RANBP17: variants seen among roughly 807,000 people sequenced by gnomAD.
RANBP17 encodes the protein ran-binding protein 17.
RANBP17 carries 158 observed loss-of-function variants against 141.2 expected under a neutral mutation model. That is an observed-to-expected ratio of 1.12 (90% CI 0.98 to 1.28). The LOEUF is 1.28. Ranked by LOEUF, RANBP17 falls within the 50% of genes most tolerant of loss-of-function variation. The probability of loss-of-function intolerance (pLI) is 0.00; values close to 1 mark genes in which losing one functional copy is unlikely to be tolerated. For synonymous variants in RANBP17, 430 were observed against 450.0 expected (o/e 0.96, Z 0.56); for missense variants, 1,438 against 1,290.7 (o/e 1.11, Z -1.75).
chr5:171,097,454 T>G (rs1470203621), intron 14 of RANBP17, among the ~76,000 whole-genome samples: 1 of 151,964 alleles, frequency 6.6e-6, no homozygotes, highest in Non-Finnish European at 1.5e-5. Context: ...GTACGTTTAA[T>G]AAGTGTATAC....
intron 12 of RANBP17, 50 bp from the exon 13 acceptor site, chr5:170,953,547 A>G (rs1386926856): frequency 1.6e-6 from 2 of 1,224,804 alleles, no homozygotes; most frequent in African/African-American, 3.0e-5. Context: ...AAGATAAGCT[A>G]CGTTTCTATG....
In RANBP17 at chr5:170,953,594, T is replaced by C; in HGVS notation, c.1469-3T>C. On this transcript the variant is annotated splice_region_variant and splice_polypyrimidine_tract_variant and intron_variant, in intron 12 of 27. Transcript: ENST00000523189. ...AACTTTTTTCTTCCTTATTCTATAT[T>C]AGGACGTCTTGCATGGCTGGTATAC... 1 of 1,594,122 alleles carries C rather than the reference T, an allele frequency of 6.3e-7. No homozygotes were observed. Among genetic ancestry groups the C allele is most frequent in the East Asian group, 2.2e-5 (1 of 44,662 alleles).
intron 14 of RANBP17, among the ~76,000 whole-genome samples, chr5:171,162,351 T>C (rs1212109039): frequency 1.3e-5 from 2 of 152,194 alleles, no homozygotes; most frequent in African/African-American, 4.8e-5. Flanking sequence ...CTGCATATCC[T>C]GTGACCAGTA....
At chr5:170,974,044 A>C (rs974209675) in intron 14 of RANBP17, among the ~76,000 whole-genome samples, 1 of 152,184 alleles carries the variant, frequency 6.6e-6, no homozygotes, top group East Asian at 1.9e-4. Context: ...CACAAAGTGC[A>C]TGTCCTTCTC....
At chr5:171,012,438 T>A (rs1293399015) in intron 14 of RANBP17, among the ~76,000 whole-genome samples, 1 of 152,156 alleles carries the variant, frequency 6.6e-6, no homozygotes, top group East Asian at 1.9e-4. Flanking sequence ...AAGCCCTTGC[T>A]GAAAACGAAA....
intron 25 of RANBP17, among the ~76,000 whole-genome samples, chr5:171,279,419 A>T (rs1234983005): frequency 6.6e-6 from 1 of 152,150 alleles, no homozygotes; most frequent in Non-Finnish European, 1.5e-5. Context: ...TTGCTGTGTC[A>T]TCTAATGGAG....
intron 14 of RANBP17, among the ~76,000 whole-genome samples, chr5:171,062,942 T>C (rs1784004137): frequency 1.3e-5 from 2 of 152,122 alleles, no homozygotes; most frequent in Admixed American, 6.5e-5. Flanking sequence ...TTTCTTCCAG[T>C]TGATCGCATC....
chr5:171,120,528 C>G (rs565898687), intron 14 of RANBP17, among the ~76,000 whole-genome samples: 3 of 152,182 alleles, frequency 2.0e-5, no homozygotes, highest in Non-Finnish European at 2.9e-5. Context: ...TTTTTCATTT[C>G]ACTCATTGAC....
intron 14 of RANBP17, among the ~76,000 whole-genome samples, chr5:171,076,093 G>T (rs1784902293): frequency 6.6e-6 from 1 of 152,160 alleles, no homozygotes; most frequent in African/African-American, 2.4e-5. Flanking sequence ...CTGCAGCACT[G>T]CTTGTAATGA....
chr5:171,126,334 A>T (rs1756468402), intron 14 of RANBP17, among the ~76,000 whole-genome samples: 1 of 152,218 alleles, frequency 6.6e-6, no homozygotes, highest in Non-Finnish European at 1.5e-5. Flanking sequence ...TCTGAGAAGG[A>T]ATTTTATAGC....
intron 12 of RANBP17, among the ~76,000 whole-genome samples, chr5:170,926,808 A>G (rs529533175): frequency 2.6e-5 from 4 of 152,274 alleles, no homozygotes; most frequent in Non-Finnish European, 4.4e-5. Context: ...CAAAGTTTCT[A>G]TATGCATATA....
chr5:170,964,013 G>C (rs1776337483), intron 13 of RANBP17, among the ~76,000 whole-genome samples: 1 of 151,608 alleles, frequency 6.6e-6, no homozygotes. Flanking sequence ...CTAAATAAGA[G>C]GTGTACAAAT....
intron 14 of RANBP17, among the ~76,000 whole-genome samples, chr5:170,980,723 T>C (rs1338630909): frequency 6.6e-6 from 1 of 152,210 alleles, no homozygotes; most frequent in African/African-American, 2.4e-5. Flanking sequence ...AGAAGTTTGC[T>C]ACAGGAGCGG....
intron 24 of RANBP17, chr5:171,252,620 G>A (rs1765644747): frequency 4.4e-6 from 6 of 1,359,156 alleles, no homozygotes; most frequent in Middle Eastern, 1.8e-4. Context: ...CAACTTCATC[G>A]ATTTACAAAA....
At chr5:170,922,647 G>T (rs1396918058) in intron 11 of RANBP17, among the ~76,000 whole-genome samples, 1 of 152,156 alleles carries the variant, frequency 6.6e-6, no homozygotes, top group African/African-American at 2.4e-5. Flanking sequence ...GGTATCTCCT[G>T]GTCTGCAGGT....
chr5:171,203,150 C>G (rs1305707283), intron 19 of RANBP17, among the ~76,000 whole-genome samples: 2 of 152,218 alleles, frequency 1.3e-5, no homozygotes, highest in South Asian at 2.1e-4. Flanking sequence ...GCCTGTCACT[C>G]TTCAGACCAA....
At chr5:170,976,993 T>G (rs1777427021) in intron 14 of RANBP17, among the ~76,000 whole-genome samples, 1 of 152,090 alleles carries the variant, frequency 6.6e-6, no homozygotes, top group South Asian at 2.1e-4. Context: ...AAAGATACAT[T>G]GGACTTCATC....
chr5:170,969,150 CTGA>C (rs775764176), intron 14 of RANBP17, among the ~76,000 whole-genome samples: 4 of 151,422 alleles, frequency 2.6e-5, no homozygotes, highest in Non-Finnish European at 4.4e-5. Flanking sequence ...TTAGGATTTT[CTGA>C]TAATAATAAT....
chr5:170,904,149 C>T (rs144707200), intron 5 of RANBP17: 20 of 336,252 alleles, frequency 5.9e-5, no homozygotes, highest in Middle Eastern at 1.7e-3. Context: ...ACCATCTCTA[C>T]AATTTGTCTC....
Sources: gnomAD v4.1 joint callset for allele counts (sites outside exome capture counted in the v4.1 genomes callset) on GRCh38, gnomAD v4.1.1 for gene constraint, MANE v1.5 for transcripts, NCBI Gene and HGNC (gene_info 2026-07-23, HGNC 2026-07-21) for gene names.